Variants in ECD observed in about 807,000 individuals in gnomAD.
The protein encoded by ECD is ecdysoneless cell cycle regulator, also known as protein ecdysoneless homolog.
Under a neutral mutation model 77.2 loss-of-function variants are expected in ECD, and 59 were observed. The ratio of observed to expected loss-of-function variants is 0.76; its 90% CI spans 0.62 to 0.95. ECD has a LOEUF of 0.95. Ranked by LOEUF, ECD falls within the 40% of genes least tolerant of loss-of-function variation. The pLI, the probability that ECD is intolerant of heterozygous loss-of-function variation, is 0.00. For missense variants in ECD, 704 were observed against 763.4 expected, an observed-to-expected ratio of 0.92 and a Z score of 0.92; for synonymous variants, 233 against 267.4, an observed-to-expected ratio of 0.87 and a Z score of 1.26.
chr10:73,139,246 A>G (rs1000934102), intron 11 of ECD, 63 bp downstream of exon 11: 1 of 1,472,400 alleles, frequency 6.8e-7, no homozygotes, highest in Non-Finnish European at 9.0e-7. Flanking sequence ...GGAAATGGCA[A>G]TGACTATGAC....
At chr10:73,144,106 G>A (rs921690624) in intron 9 of ECD, among the ~76,000 whole-genome samples, 1 of 152,074 alleles carries the variant, frequency 6.6e-6, no homozygotes, top group African/African-American at 2.4e-5. Context: ...CAGTAGCACT[G>A]AGGTTGAAAA....
At chr10:73,165,476 C>A (rs889169934) in intron 1 of ECD, among the ~76,000 whole-genome samples, 1 of 151,904 alleles carries the variant, frequency 6.6e-6, no homozygotes, top group Admixed American at 6.6e-5. Context: ...CTCAGCCTCC[C>A]GAGTAGCTGG....
intron 8 of ECD, among the ~76,000 whole-genome samples, 180 bp from the exon 9 acceptor site, chr10:73,146,541 G>A (rs1287770454): frequency 6.6e-6 from 1 of 152,168 alleles, no homozygotes; most frequent in African/African-American, 2.4e-5. Context: ...CTTCAAATGA[G>A]GGGACGCGGC....
At chr10:73,134,868 G>T in intron 13 of ECD, 55 bp from the exon 14 acceptor site, 1 of 1,445,542 alleles carries the variant, frequency 6.9e-7, no homozygotes, top group Non-Finnish European at 9.6e-7. Context: ...AGGTTGCATG[G>T]TGGTTACAAT....
Position 73,154,463 on chromosome 10 carries a change from A to AT in ECD, c.591-16dup. 1 of 1,590,950 alleles carries AT rather than the reference A, an allele frequency of 6.3e-7. No individual in the cohort carries two copies. On this transcript the variant is annotated splice_polypyrimidine_tract_variant and intron_variant, in intron 5 of 13. Coordinates refer to ENST00000372979, the MANE Select transcript of ECD (RefSeq NM_007265.3). ...TTTCTGGGTACCTGGGACAGGTAAC[A>AT]TAATTACTTTCATTTTACAGTATAT... is the stretch of plus-strand genomic sequence containing the variant.
chr10:73,139,133 G>C (rs1843015107), intron 11 of ECD, among the ~76,000 whole-genome samples, 176 bp downstream of exon 11: 1 of 151,344 alleles, frequency 6.6e-6, no homozygotes, highest in African/African-American at 2.4e-5. Context: ...AAAGGATGAG[G>C]CTTCTAGAAA....
Position 73,164,308 on chromosome 10 carries a change from T to C in ECD, c.-13-358A>G, listed in dbSNP as rs900550359. ...CAGAGGTTGCAATGAGCCGAGATCA[T>C]GCCACTGCACTCCAGCTTGGGTGAC... On this transcript the variant is annotated intron_variant, in intron 1 of 13. Transcript: ENST00000372979. Among the ~76,000 whole-genome samples, 10 of 150,648 alleles carry C rather than the reference T, an allele frequency of 6.6e-5. No individual in the cohort carries two copies. In the East Asian group the frequency reaches 1.4e-3, roughly 21 times the overall value.
At chr10:73,157,140 CTT>C (rs1206363453) in intron 3 of ECD, among the ~76,000 whole-genome samples, 1 of 151,654 alleles carries the variant, frequency 6.6e-6, no homozygotes, top group Non-Finnish European at 1.5e-5. Flanking sequence ...ACCTCCACCT[CTT>C]GTTTTCAGGC....
Position 73,142,710 on chromosome 10 carries a change from T to C in ECD, c.1128-2973A>G, listed in dbSNP as rs552162943. Among the ~76,000 whole-genome samples the C allele has an allele frequency of 2.6e-5, 4 of 152,100 alleles. No individual in the cohort carries two copies. The South Asian group carries it at 8.3e-4, about 32-fold the overall frequency. ...GACCACTGCCACCCATCCCAATCCATTGTCTTGCTCCCCAGAGGTGACTGC... is the reference window on the plus strand; with the variant it reads ...GACCACTGCCACCCATCCCAATCCACTGTCTTGCTCCCCAGAGGTGACTGC... On this transcript the variant is annotated intron_variant, in intron 9 of 13. Coordinates refer to ENST00000372979, the MANE Select transcript of ECD (RefSeq NM_007265.3).
intron 3 of ECD, among the ~76,000 whole-genome samples, chr10:73,159,806 G>A (rs908644330): frequency 1.3e-5 from 2 of 151,018 alleles, no homozygotes; most frequent in Admixed American, 6.6e-5. Context: ...ACCATGCCTG[G>A]CTAATTTTGT....
At chr10:73,151,865 A>G (rs1261783607) in intron 7 of ECD, among the ~76,000 whole-genome samples, 6 of 152,222 alleles carry the variant, frequency 3.9e-5, no homozygotes, top group Non-Finnish European at 7.4e-5. Context: ...TTTTGACTTT[A>G]TTTATGGAGT....
At chr10:73,155,967 A>G (rs1843290517) in intron 5 of ECD, among the ~76,000 whole-genome samples, 2 of 152,172 alleles carry the variant, frequency 1.3e-5, no homozygotes, top group African/African-American at 4.8e-5. Context: ...ATACTTAGCC[A>G]CAATATCTAA....
intron 3 of ECD, among the ~76,000 whole-genome samples, chr10:73,159,931 C>T (rs1180230498): frequency 9.3e-5 from 14 of 151,294 alleles, no homozygotes; most frequent in South Asian, 4.2e-4. Context: ...TGAGCCACCG[C>T]GCCTGGCCGT....
intron 7 of ECD, among the ~76,000 whole-genome samples, chr10:73,151,660 C>T (rs1304026963): frequency 6.6e-6 from 1 of 151,056 alleles, no homozygotes; most frequent in South Asian, 2.1e-4. Context: ...AGTTAAGATT[C>T]AATATTTTTC....
chr10:73,147,080 A>T (rs1843140012), intron 8 of ECD, among the ~76,000 whole-genome samples: 1 of 151,754 alleles, frequency 6.6e-6, no homozygotes, highest in Admixed American at 6.6e-5. Flanking sequence ...TCTACTAAAA[A>T]GAAAAAAAAA....
At chr10:73,149,513 C>T (rs1843174628) in intron 7 of ECD, among the ~76,000 whole-genome samples, 1 of 152,164 alleles carries the variant, frequency 6.6e-6, no homozygotes, top group Admixed American at 6.5e-5. Context: ...CAATACTGTA[C>T]TCTATAGTAT....
intron 7 of ECD, among the ~76,000 whole-genome samples, chr10:73,148,645 T>C (rs1843159758): frequency 6.6e-6 from 1 of 152,154 alleles, no homozygotes. Flanking sequence ...TAAAGATTCC[T>C]GTTCTCTTCA....
intron 4 of ECD, 47 bp from the exon 5 acceptor site, chr10:73,156,500 C>A: frequency 6.2e-7 from 1 of 1,609,746 alleles, no homozygotes; most frequent in Non-Finnish European, 8.5e-7. Context: ...TGGCAAACTG[C>A]AGGTACATAT....
Position 73,152,303 on chromosome 10 carries a change from C to A in ECD, c.902G>T (p.Gly301Val). Residue 301 changes from glycine to valine, a missense_variant, in exon 7 of 14, where the codon GGC becomes GTC. Physicochemically the swap from Gly to Val is moderately radical, Grantham distance 109 (BLOSUM62 -3). Transcript: ENST00000372979. Reference sequence around the variant, plus strand: ...CTGGTTCAACATTACCAATTTCATGCCCAATTCATGGGCTCGGTACTGGGG... The same window carrying A: ...CTGGTTCAACATTACCAATTTCATGACCAATTCATGGGCTCGGTACTGGGG... ...SDPQYRAHEL[G>V]MKLAHGFEIL... 2 of 1,612,756 alleles carry A rather than the reference C, an allele frequency of 1.2e-6. No homozygotes were observed. The highest frequency in any genetic ancestry group is 1.7e-6 in the Non-Finnish European group (2 of 1,178,988).
Sources: gnomAD v4.1 joint callset for allele counts (sites outside exome capture counted in the v4.1 genomes callset) on GRCh38, gnomAD v4.1.1 for gene constraint, MANE v1.5 for transcripts, NCBI Gene and HGNC (gene_info 2026-07-23, HGNC 2026-07-21) for gene names.